The following TATDN3 variants were observed in gnomAD, a reference collection of about 807,000 sequenced individuals.
The protein encoded by TATDN3 is deoxyribonuclease TATDN3.
Under a neutral mutation model 40.1 loss-of-function variants are expected in TATDN3, and 29 were observed. The observed-to-expected ratio is 0.72, with a 90% CI of 0.54 to 0.99. TATDN3 has a LOEUF of 0.99. Among genes scored for constraint, TATDN3 ranks in the 50% least tolerant of loss-of-function variants. The pLI, the probability that TATDN3 is intolerant of heterozygous loss-of-function variation, is 0.00. For missense variants in TATDN3, 309 were observed against 321.9 expected, an observed-to-expected ratio of 0.96 and a Z score of 0.31; for synonymous variants, 105 against 117.0, an observed-to-expected ratio of 0.90 and a Z score of 0.66.
At chr1:212,813,566 CTTT>C (rs202183479) in intron 9 of TATDN3, among the ~76,000 whole-genome samples, 10 of 130,926 alleles carry the variant, frequency 7.6e-5, no homozygotes, top group Admixed American at 1.6e-4. Context: ...TCTTTCTTTT[CTTT>C]TTTTTTTTTT....
At chr1:212,806,785 C>T (rs12760101) in intron 7 of TATDN3, among the ~76,000 whole-genome samples, 15,785 of 56,410 alleles carry the variant, frequency 0.28, 4,368 homozygotes, top group Non-Finnish European at 0.44. Flanking sequence ...TATATATATA[C>T]ACACACACAC....
At chr1:212,813,706 G>A (rs1207947540) in intron 9 of TATDN3, among the ~76,000 whole-genome samples, 1 of 143,826 alleles carries the variant, frequency 7.0e-6, no homozygotes, top group Admixed American at 6.9e-5. Flanking sequence ...ACTTGTTTTT[G>A]TTTTTGTTTT....
chr1:212,807,352 A>G (rs1399102047), intron 7 of TATDN3, among the ~76,000 whole-genome samples: 1 of 152,098 alleles, frequency 6.6e-6, no homozygotes, highest in Non-Finnish European at 1.5e-5. Flanking sequence ...TCTCAGACTC[A>G]GGTGATCCTC....
At position 212,804,441 on chromosome 1, in the gene TATDN3, A is replaced by G. The variant is rs1337887095; in HGVS notation, c.431+12A>G. The G allele has an allele frequency of 6.2e-6, 10 of 1,603,050 alleles. No homozygotes were observed. The highest frequency in any genetic ancestry group is 7.7e-6 in the Non-Finnish European group (9 of 1,170,396). ...CTAAATTTGCCTGTGTAGGTTAATT[A>G]TTTTCCTATGTTAATAGCTATAGAG... On this transcript the variant is annotated intron_variant, in intron 6 of 9. Transcript: ENST00000366974.
At chr1:212,800,639 T>G (rs1486043675) in intron 4 of TATDN3, among the ~76,000 whole-genome samples, 1 of 152,120 alleles carries the variant, frequency 6.6e-6, no homozygotes, top group Admixed American at 6.6e-5. Flanking sequence ...AAATCTCTTC[T>G]CCTCCTTTGA....
intron 8 of TATDN3, 139 bp from the exon 9 acceptor site, chr1:212,812,109 A>C (rs1343991279): frequency 7.6e-6 from 4 of 527,914 alleles, no homozygotes; most frequent in Non-Finnish European, 1.3e-5. Flanking sequence ...CTGGGATTAC[A>C]GGCGTGAGCC....
intron 7 of TATDN3, among the ~76,000 whole-genome samples, chr1:212,805,587 G>C (rs1662412339): frequency 6.6e-6 from 1 of 152,054 alleles, no homozygotes; most frequent in African/African-American, 2.4e-5. Context: ...AGCTCAATCA[G>C]CTGATTAATG....
Position 212,816,121 on chromosome 1 carries a change from G to A in TATDN3, c.*965G>A, listed in dbSNP as rs1369225092. On this transcript the variant is annotated 3_prime_UTR_variant, in exon 10 of 10. Coordinates refer to ENST00000366974, the MANE Select transcript of TATDN3 (RefSeq NM_001042552.3). ...TTGTCAACATATTTAGAATGTAAAT[G>A]GCATTATTAAAAATGTATCTGATTT... is the stretch of plus-strand genomic sequence containing the variant. 1 of 152,008 alleles carries A rather than the reference G, an allele frequency of 6.6e-6. No homozygotes were observed. Among genetic ancestry groups the A allele is most frequent in the Non-Finnish European group, 1.5e-5 (1 of 68,014 alleles). The allele number at this position is 152,008 out of a possible 1,614,324, so 9.4% of individuals were successfully genotyped here.
At chr1:212,792,392 G>T (rs1661375677) in intron 1 of TATDN3, among the ~76,000 whole-genome samples, 1 of 151,812 alleles carries the variant, frequency 6.6e-6, no homozygotes, top group Non-Finnish European at 1.5e-5. Context: ...AGCACTTTGG[G>T]AGGCCGAGGC....
intron 8 of TATDN3, among the ~76,000 whole-genome samples, chr1:212,810,569 C>CCCAACTA (rs1382991294): frequency 6.7e-6 from 1 of 149,516 alleles, no homozygotes; most frequent in African/African-American, 2.5e-5. Context: ...TGCCTATAGT[C>CCCAACTA]CCAACTACTT....
intron 4 of TATDN3, among the ~76,000 whole-genome samples, chr1:212,798,555 A>AAAAG (rs1296694982): frequency 6.7e-5 from 10 of 150,262 alleles, no homozygotes; most frequent in African/African-American, 7.4e-5. Flanking sequence ...AAAAAAAAAA[A>AAAAG]AAAGAAAAGA....
At chr1:212,805,001 G>T (rs1278828886) in intron 7 of TATDN3, among the ~76,000 whole-genome samples, 1 of 152,126 alleles carries the variant, frequency 6.6e-6, no homozygotes, top group African/African-American at 2.4e-5. Flanking sequence ...TCACTCTGTT[G>T]CCCAGGCTGG....
In TATDN3 at chr1:212,815,088, G is replaced by A; in HGVS notation, c.757G>A (p.Val253Ile). 6.2e-7 allele frequency: 1 copy of A among 1,614,144 alleles called. No homozygotes were observed. The highest frequency in any genetic ancestry group is 8.5e-7 in the Non-Finnish European group (1 of 1,180,030). The change falls in exon 10 of 10, where the codon GTT becomes ATT. Residue 253 changes from valine (V) to isoleucine (I), a missense_variant. Val to Ile is a conservative substitution (Grantham distance 29, BLOSUM62 3). Transcript: ENST00000366974. ...GGTGAAAGGGATCTCAGTGGAAGAA[G>A]TTATAGAAGTGACGACACAGAATGC... ...AQVKGISVEE[V>I]IEVTTQNALK...
rs1661809419 is a variant in TATDN3 at position 212,796,992 on chromosome 1, T to A, written c.174-120T>A. 5.5e-6 allele frequency: 4 copies of A among 729,208 alleles called. No homozygotes were observed. In the South Asian group the frequency reaches 7.0e-5, roughly 13 times the overall value. The allele number at this position is 729,208 out of a possible 1,614,324, so 45.2% of individuals were successfully genotyped here. A position where few individuals can be genotyped will look rare whatever the true frequency, so the allele number is the denominator to read the frequency against. On this transcript the variant is annotated intron_variant, in intron 3 of 9. Coordinates refer to ENST00000366974, the MANE Select transcript of TATDN3 (RefSeq NM_001042552.3). ...CTTAAGTGATCCACCTGGTTCAGCCTCCCAAAGTGCTGGAATTACAGACAT... is the reference window on the plus strand; with the variant it reads ...CTTAAGTGATCCACCTGGTTCAGCCACCCAAAGTGCTGGAATTACAGACAT...
chr1:212,806,848 ATATATACATATG>A lies in TATDN3; in HGVS notation c.488-879_488-868del, dbSNP rs1332135152. On this transcript the variant is annotated intron_variant, in intron 7 of 9. Coordinates refer to ENST00000366974, the MANE Select transcript of TATDN3 (RefSeq NM_001042552.3). Reference sequence around the variant, plus strand: ...TATACATATATATACATATATACACATATATACATATGTATATACACATATATACATATGTAT... The same window carrying A: ...TATACATATATATACATATATACACATATATACACATATATACATATGTAT... Among the ~76,000 whole-genome samples, 68 of 96,294 alleles carry A rather than the reference ATATATACATATG, an allele frequency of 7.1e-4. 2 individuals are homozygous for A. Among genetic ancestry groups the A allele is most frequent in the East Asian group, 3.4e-3 (12 of 3,534 alleles). 63.2% of individuals were successfully genotyped at this position (96,294 alleles called of 152,430 possible).
At chr1:212,808,527 A>G (rs1260618675) in intron 8 of TATDN3, among the ~76,000 whole-genome samples, 2 of 152,160 alleles carry the variant, frequency 1.3e-5, no homozygotes, top group Non-Finnish European at 2.9e-5. Flanking sequence ...TGAAAATACA[A>G]CCCATAGAAA....
chr1:212,813,050 C>T lies in TATDN3; in HGVS notation c.681+722C>T, dbSNP rs1662983632. 2.6e-5 allele frequency among the ~76,000 whole-genome samples: 4 copies of T among 152,016 alleles called. No homozygotes were observed. The South Asian group carries it at 8.3e-4, about 32-fold the overall frequency. On this transcript the variant is annotated intron_variant, in intron 9 of 9. Coordinates refer to ENST00000366974, the MANE Select transcript of TATDN3 (RefSeq NM_001042552.3). ...TTATGGTAAGTATTACATGAAGTAA[C>T]GTATGTGAACGTAACTAGCAGTATC...
intron 3 of TATDN3, 137 bp from the exon 4 acceptor site, chr1:212,796,975 A>C: frequency 1.6e-6 from 1 of 634,480 alleles, no homozygotes; most frequent in Non-Finnish European, 2.8e-6. Context: ...GCCTTAAGTG[A>C]TCCACCTGGT....
intron 8 of TATDN3, among the ~76,000 whole-genome samples, chr1:212,808,910 CATT>C (rs1662696501): frequency 6.6e-6 from 1 of 152,148 alleles, no homozygotes; most frequent in Non-Finnish European, 1.5e-5. Context: ...TTTATAGCAG[CATT>C]ATTCATAATA....
Sources: allele counts gnomAD v4.1 joint callset (sites outside exome capture counted in the v4.1 genomes callset), GRCh38; gene constraint gnomAD v4.1.1; transcripts MANE v1.5; gene names NCBI Gene and HGNC (gene_info 2026-07-23, HGNC 2026-07-21).